RAB3GAP2: variants seen among roughly 807,000 people sequenced by gnomAD.
RAB3GAP2 encodes the protein RAB3 GTPase activating non-catalytic protein subunit 2, also known as rab3 GTPase-activating protein non-catalytic subunit.
Under a neutral mutation model 185.3 loss-of-function variants are expected in RAB3GAP2, and 87 were observed. That is an observed-to-expected ratio of 0.47 (90% CI 0.39 to 0.56). RAB3GAP2 has a LOEUF of 0.56. RAB3GAP2 is among the 20% of genes least tolerant of loss of function. The pLI is 0.00. For missense variants in RAB3GAP2, 1,492 were observed against 1,638.2 expected (o/e 0.91, Z 1.54); for synonymous variants, 554 against 576.1 (o/e 0.96, Z 0.55).
At chr1:220,181,126 T>C (rs1658396791) in intron 21 of RAB3GAP2, among the ~76,000 whole-genome samples, 1 of 152,148 alleles carries the variant, frequency 6.6e-6, no homozygotes, top group Admixed American at 6.6e-5. Context: ...TACCACACCA[T>C]TTTAACTTTT....
In RAB3GAP2 at chr1:220,182,318, C is replaced by A; in HGVS notation, c.2249G>T (p.Ser750Ile). The A allele has an allele frequency of 1.2e-6, 2 of 1,614,030 alleles. No individual in the cohort carries two copies. Among genetic ancestry groups the A allele is most frequent in the Admixed American group, 1.7e-5 (1 of 60,016 alleles). The change falls in exon 21 of 35, where the codon AGC becomes ATC. Residue 750 changes from serine to isoleucine, a missense_variant. Coordinates refer to ENST00000358951, the MANE Select transcript of RAB3GAP2 (RefSeq NM_012414.4). Reference protein sequence around the residue: ...FFFWKCLHGESSTEDMCHTLE... With the variant: ...FFFWKCLHGEISTEDMCHTLE... ...AGTGTGACACATATCCTCAGTGGAGCTTTCTCCATGCAAACACTTCCAAAA... is the reference window on the plus strand; with the variant it reads ...AGTGTGACACATATCCTCAGTGGAGATTTCTCCATGCAAACACTTCCAAAA...
intron 21 of RAB3GAP2, among the ~76,000 whole-genome samples, chr1:220,181,133 T>G (rs1468746143): frequency 2.0e-5 from 3 of 152,180 alleles, no homozygotes; most frequent in East Asian, 1.9e-4. Flanking sequence ...CCATTTTAAC[T>G]TTTTTGCTTT....
chr1:220,182,615 T>C, intron 20 of RAB3GAP2, 103 bp downstream of exon 20: 2 of 1,239,976 alleles, frequency 1.6e-6, no homozygotes, highest in Non-Finnish European at 2.2e-6. Context: ...CCTTTCATTA[T>C]TTAAATTTCA....
At chr1:220,183,976 TAA>T (rs1164514614) in intron 19 of RAB3GAP2, 58 bp downstream of exon 19, 29 of 1,348,382 alleles carry the variant, frequency 2.2e-5, no homozygotes, top group Non-Finnish European at 2.8e-5. Flanking sequence ...CTACTAATTT[TAA>T]AAAGTAAAAC....
chr1:220,154,068 A>G lies in RAB3GAP2; in HGVS notation c.3556-11T>C. 1.2e-6 allele frequency: 2 copies of G among 1,613,068 alleles called. No individual in the cohort carries two copies. The highest frequency in any genetic ancestry group is 1.7e-6 in the Non-Finnish European group (2 of 1,179,532). On this transcript the variant is annotated splice_polypyrimidine_tract_variant and intron_variant, in intron 31 of 34. Coordinates refer to ENST00000358951, the MANE Select transcript of RAB3GAP2 (RefSeq NM_012414.4). ...AAATGCATTTTTTCCCTAAAAAGAA[A>G]GAGAGCAAGAAAACTGATGAGTGTG...
chr1:220,189,223 T>G (rs542141571), intron 17 of RAB3GAP2, among the ~76,000 whole-genome samples: 2 of 151,878 alleles, frequency 1.3e-5, no homozygotes, highest in South Asian at 4.1e-4. Context: ...GATGTGTAGG[T>G]ATGTGTATAT....
At chr1:220,245,847 T>C (rs2102898999) in intron 1 of RAB3GAP2, among the ~76,000 whole-genome samples, 1 of 152,330 alleles carries the variant, frequency 6.6e-6, no homozygotes, top group Admixed American at 6.5e-5. Flanking sequence ...CCTCTTCAAG[T>C]GGGTCCCTGG....
intron 8 of RAB3GAP2, among the ~76,000 whole-genome samples, chr1:220,204,666 T>C (rs1658927176): frequency 6.6e-6 from 1 of 152,098 alleles, no homozygotes; most frequent in Admixed American, 6.5e-5. Context: ...ACATGTGCCA[T>C]ATTGGTGCGC....
At chr1:220,268,404 A>G (rs1660269543) in intron 1 of RAB3GAP2, among the ~76,000 whole-genome samples, 1 of 152,242 alleles carries the variant, frequency 6.6e-6, no homozygotes, top group Non-Finnish European at 1.5e-5. Context: ...TCTTGAATAC[A>G]GTACTTCTTG....
At chr1:220,165,790 C>T (rs1658051465) in intron 26 of RAB3GAP2, among the ~76,000 whole-genome samples, 1 of 152,128 alleles carries the variant, frequency 6.6e-6, no homozygotes. Context: ...TATTACAGCC[C>T]TCATTTTAGG....
intron 13 of RAB3GAP2, among the ~76,000 whole-genome samples, chr1:220,193,034 A>G (rs1214906667): frequency 6.6e-6 from 1 of 152,208 alleles, no homozygotes; most frequent in African/African-American, 2.4e-5. Flanking sequence ...AAGGTTAAAC[A>G]TGGCTATGAG....
chr1:220,159,505 G>T, intron 28 of RAB3GAP2, 84 bp from the exon 29 acceptor site: 1 of 1,072,476 alleles, frequency 9.3e-7, no homozygotes. Context: ...AAAAGTAACC[G>T]AATTTAAAAA....
intron 1 of RAB3GAP2, among the ~76,000 whole-genome samples, chr1:220,260,163 C>T (rs6696985): frequency 0.46 from 69,521 of 151,996 alleles, 18,014 homozygotes; most frequent in African/African-American, 0.71. Context: ...AGTTCAACCA[C>T]TGTGGAAGAC....
At chr1:220,239,640 T>C (rs1659655317) in intron 1 of RAB3GAP2, among the ~76,000 whole-genome samples, 1 of 152,186 alleles carries the variant, frequency 6.6e-6, no homozygotes, top group Admixed American at 6.5e-5. Flanking sequence ...TTAGCTTTAG[T>C]TTTGATTATG....
At chr1:220,269,359 G>A (rs943810713) in intron 1 of RAB3GAP2, among the ~76,000 whole-genome samples, 33 of 152,152 alleles carry the variant, frequency 2.2e-4, no homozygotes, top group Non-Finnish European at 1.8e-4. Context: ...GAGTCTCAAG[G>A]GCCTTATACA....
At chr1:220,159,959 G>A (rs150027878) in intron 28 of RAB3GAP2, among the ~76,000 whole-genome samples, 10,743 of 151,966 alleles carry the variant, frequency 0.071, 509 homozygotes, top group South Asian at 0.13. Context: ...AGAGGTTGCG[G>A]TGAGCCAAGA....
At chr1:220,272,097 G>A in intron 1 of RAB3GAP2, 126 bp downstream of exon 1, 1 of 811,208 alleles carries the variant, frequency 1.2e-6, no homozygotes, top group Admixed American at 2.0e-5. Context: ...GCGGAGGGGA[G>A]GCACGGGGAG....
rs1331926985 is a variant in RAB3GAP2, at chr1:220,153,975, C to T, written c.3638G>A (p.Arg1213Gln). The T allele has an allele frequency of 1.2e-6, 2 of 1,613,094 alleles. No individual in the cohort carries two copies. Among genetic ancestry groups the T allele is most frequent in the Admixed American group, 1.7e-5 (1 of 59,984 alleles). Residue 1213 changes from arginine (R) to glutamine (Q), a missense_variant, in exon 32 of 35, where the codon CGA becomes CAA. Arg to Gln is a conservative substitution (Grantham distance 43, BLOSUM62 1). Transcript: ENST00000358951. ...CCAATAGCTATAATTTACCTGTTGT[C>T]GTACAGAAATAAAATTTGGATCCAT... Reference protein sequence around the residue: ...GEMDPNFISVRQQFLLKVVSA... With the variant: ...GEMDPNFISVQQQFLLKVVSA...
intron 1 of RAB3GAP2, chr1:220,254,292 G>A: frequency 6.2e-7 from 1 of 1,613,546 alleles, no homozygotes; most frequent in South Asian, 1.1e-5. Flanking sequence ...AGAGACCACA[G>A]TATGCCGAAA....
Sources: gnomAD v4.1 joint callset for allele counts (sites outside exome capture counted in the v4.1 genomes callset) on GRCh38, gnomAD v4.1.1 for gene constraint, MANE v1.5 for transcripts, NCBI Gene and HGNC (gene_info 2026-07-23, HGNC 2026-07-21) for gene names.